NEO1: variants seen among roughly 807,000 people sequenced by gnomAD.
The protein encoded by NEO1 is neogenin.
NEO1 carries 63 observed loss-of-function variants against 159.7 expected under a neutral mutation model. The observed-to-expected ratio is 0.39, with a 90% confidence interval of 0.32 to 0.49. NEO1 has a LOEUF of 0.49. Ranked by LOEUF, NEO1 falls within the 20% of genes least tolerant of loss-of-function variation. The probability of loss-of-function intolerance (pLI) is 0.85; values close to 1 mark genes in which losing one functional copy is unlikely to be tolerated. For synonymous variants in NEO1, 633 were observed against 662.0 expected (o/e 0.96, Z 0.67); for missense variants, 1,615 against 1,831.0 (o/e 0.88, Z 2.15).
chr15:73,081,615 AC>A, intron 1 of NEO1, among the ~76,000 whole-genome samples: 1 of 151,856 alleles, frequency 6.6e-6, no homozygotes, highest in South Asian at 2.1e-4. Flanking sequence ...ACTCACTGTC[AC>A]CCAGACTGGA....
intron 7 of NEO1, among the ~76,000 whole-genome samples, chr15:73,179,453 G>C (rs1170339727): frequency 2.0e-5 from 3 of 152,198 alleles, no homozygotes; most frequent in African/African-American, 7.2e-5. Flanking sequence ...TGCTTACAGA[G>C]AGGTATCTCA....
chr15:73,157,186 G>A (rs2033844843), intron 5 of NEO1, among the ~76,000 whole-genome samples: 1 of 152,206 alleles, frequency 6.6e-6, no homozygotes. Flanking sequence ...CAGGTCCCAA[G>A]CAGGTAGGGG....
chr15:73,113,007 G>A (rs979723649), intron 1 of NEO1, among the ~76,000 whole-genome samples: 4 of 151,998 alleles, frequency 2.6e-5, no homozygotes, highest in Non-Finnish European at 5.9e-5. Context: ...TCTACTACAT[G>A]TTAAGTTTCC....
chr15:73,297,286 A>G (rs2042411864), intron 26 of NEO1, among the ~76,000 whole-genome samples: 1 of 152,154 alleles, frequency 6.6e-6, no homozygotes, highest in African/African-American at 2.4e-5. Flanking sequence ...AACTGTGCAA[A>G]TGGGCAATTT....
At chr15:73,267,299 A>G (rs1016123596) in intron 16 of NEO1, among the ~76,000 whole-genome samples, 25 of 152,238 alleles carry the variant, frequency 1.6e-4, no homozygotes, top group Non-Finnish European at 2.5e-4. Context: ...AGTAATATAC[A>G]TGTCATGTAA....
chr15:73,176,566 TTTTCAAAGAAGTGTGTTTA>T lies in NEO1; in HGVS notation c.1170+14_1170+32del. On this transcript the variant is annotated intron_variant, in intron 6 of 28. Transcript: ENST00000261908. ...ATTATTTTAAGATTGTAGTAAGTAT[TTTTCAAAGAAGTGTGTTTA>T]TTTCTGTAACCTTTAGATATTTTTA... is the stretch of plus-strand genomic sequence containing the variant. The T allele has an allele frequency of 6.3e-7, 1 of 1,599,832 alleles. No individual in the cohort carries two copies. The highest frequency in any genetic ancestry group is 1.1e-5 in the South Asian group (1 of 88,214).
intron 8 of NEO1, 27 bp downstream of exon 8, chr15:73,236,533 T>G (rs746725875): frequency 2.9e-5 from 46 of 1,603,720 alleles, no homozygotes; most frequent in Non-Finnish European, 3.6e-5. Context: ...CTGCAGCCAG[T>G]TGGCTGCCTC....
intron 4 of NEO1, among the ~76,000 whole-genome samples, chr15:73,127,709 A>T (rs571102377): frequency 7.2e-5 from 11 of 152,248 alleles, no homozygotes; most frequent in South Asian, 2.1e-4. Flanking sequence ...GTACAATAAT[A>T]AATATAATAG....
chr15:73,220,619 G>A (rs538441326), intron 7 of NEO1, among the ~76,000 whole-genome samples: 2 of 152,180 alleles, frequency 1.3e-5, no homozygotes, highest in Non-Finnish European at 2.9e-5. Flanking sequence ...TGGAGGATTT[G>A]TTCGTTTCTT....
chr15:73,067,901 C>T (rs947071150), intron 1 of NEO1, among the ~76,000 whole-genome samples: 1 of 152,088 alleles, frequency 6.6e-6, no homozygotes, highest in Non-Finnish European at 1.5e-5. Flanking sequence ...CAGGTGTGAG[C>T]CACCACACTG....
intron 23 of NEO1, among the ~76,000 whole-genome samples, 193 bp downstream of exon 23, chr15:73,283,304 TAA>T (rs1302102633): frequency 2.0e-5 from 3 of 152,232 alleles, no homozygotes; most frequent in Non-Finnish European, 4.4e-5. Flanking sequence ...CTGGCACATT[TAA>T]AAGGATTTCA....
chr15:73,086,915 C>G (rs578120909), intron 1 of NEO1, among the ~76,000 whole-genome samples: 3 of 152,226 alleles, frequency 2.0e-5, no homozygotes, highest in African/African-American at 7.2e-5. Flanking sequence ...CTCGACCTCC[C>G]AAAATGCTGG....
At chr15:73,132,198 A>T (rs181214809) in intron 4 of NEO1, among the ~76,000 whole-genome samples, 6 of 152,320 alleles carry the variant, frequency 3.9e-5, no homozygotes, top group Admixed American at 1.3e-4. Flanking sequence ...TGAATGAGTA[A>T]ATCTCTCTCC....
intron 1 of NEO1, among the ~76,000 whole-genome samples, chr15:73,098,883 A>G (rs563672504): frequency 1.2e-3 from 181 of 152,282 alleles, no homozygotes; most frequent in African/African-American, 4.0e-3. Context: ...CTATTTTCCT[A>G]TATTTGCCTA....
rs143876532 is a variant in NEO1 at position 73,071,482 on chromosome 15, A to G, written c.130+18677A>G. On this transcript the variant is annotated intron_variant, in intron 1 of 28. Transcript: ENST00000261908. The stretch of plus-strand genomic sequence containing the variant: ...CTCCAGGGAAAAATGTAATTTATGT[A>G]TGATGGGGTAGTTGCTATTTATTCA... Among the ~76,000 whole-genome samples the G allele has an allele frequency of 9.1e-3, 1,380 of 152,232 alleles. 10 individuals carry two copies. The highest frequency in any genetic ancestry group is 0.013 in the Non-Finnish European group (916 of 67,994).
At chr15:73,056,004 A>G (rs1462617472) in intron 1 of NEO1, among the ~76,000 whole-genome samples, 1 of 152,184 alleles carries the variant, frequency 6.6e-6, no homozygotes, top group Non-Finnish European at 1.5e-5. Context: ...GTTACCCTCT[A>G]GAAGTCTGTC....
In NEO1 at chr15:73,246,123, T is replaced by C. The variant is rs113927056; in HGVS notation, c.1606+1625T>C. 5.0e-3 allele frequency among the ~76,000 whole-genome samples: 755 copies of C among 152,324 alleles called. 16 individuals are homozygous for C. Among genetic ancestry groups the C allele is most frequent in the African/African-American group, 0.016 (682 of 41,574 alleles). On this transcript the variant is annotated intron_variant, in intron 9 of 28. Transcript: ENST00000261908. ...GAAGCTGTAGAACTTCACTTTCTAA[T>C]GCTATGGCATATCATTCACCTGTCA...
chr15:73,175,677 C>T (rs960862182), intron 5 of NEO1, among the ~76,000 whole-genome samples: 3 of 152,140 alleles, frequency 2.0e-5, no homozygotes, highest in South Asian at 2.1e-4. Flanking sequence ...AAATACAGAT[C>T]GCTAAGACCC....
intron 5 of NEO1, among the ~76,000 whole-genome samples, chr15:73,144,738 T>C (rs1363761875): frequency 6.6e-6 from 1 of 152,170 alleles, no homozygotes; most frequent in Non-Finnish European, 1.5e-5. Context: ...ACCTCAGAAA[T>C]CGCATGTCCA....
Sources: allele counts gnomAD v4.1 joint callset (sites outside exome capture counted in the v4.1 genomes callset), GRCh38; gene constraint gnomAD v4.1.1; transcripts MANE v1.5; gene names NCBI Gene and HGNC (gene_info 2026-07-23, HGNC 2026-07-21).